Variants in ATP8B4 observed in about 807,000 individuals in gnomAD.
ATP8B4 encodes the protein probable phospholipid-transporting ATPase IM.
Under a neutral mutation model 145.6 loss-of-function variants are expected in ATP8B4, and 133 were observed. The observed-to-expected ratio is 0.91, with a 90% CI of 0.79 to 1.05. ATP8B4 has a LOEUF of 1.05. Ranked by LOEUF, ATP8B4 falls within the 50% of genes least tolerant of loss-of-function variation. The pLI is 0.00. For missense variants in ATP8B4, 1,458 were observed against 1,425.2 expected (o/e 1.02, Z -0.37); for synonymous variants, 507 against 492.9 (o/e 1.03, Z -0.38).
Position 49,884,617 on chromosome 15 carries a change from A to AG in ATP8B4, c.2698-5159_2698-5158insC, listed in dbSNP as rs1388608565. Among the ~76,000 whole-genome samples, 5 of 151,012 alleles carry AG rather than the reference A, an allele frequency of 3.3e-5. No individual in the cohort carries two copies. In the South Asian group the frequency reaches 1.1e-3, roughly 32 times the overall value. The stretch of plus-strand genomic sequence containing the variant: ...AATCCTGTCTCCAAAAAAAAAGAAA[A>AG]AAAAAAAAAAAAAAGAAAGTTTCCT... On this transcript the variant is annotated intron_variant, in intron 23 of 27. Transcript: ENST00000284509.
chr15:49,908,695 C>T (rs1380810669), intron 20 of ATP8B4, among the ~76,000 whole-genome samples: 4 of 152,116 alleles, frequency 2.6e-5, no homozygotes, highest in African/African-American at 9.7e-5. Context: ...CTGCATCCTG[C>T]CTGAGGGCCC....
intron 2 of ATP8B4, among the ~76,000 whole-genome samples, chr15:50,077,144 C>T (rs2054231413): frequency 6.6e-6 from 1 of 152,278 alleles, no homozygotes; most frequent in Non-Finnish European, 1.5e-5. Flanking sequence ...TGAACTCACA[C>T]CTGCACAATT....
intron 1 of ATP8B4, among the ~76,000 whole-genome samples, chr15:50,140,495 A>T (rs543095403): frequency 2.0e-5 from 3 of 152,328 alleles, no homozygotes; most frequent in South Asian, 4.1e-4. Flanking sequence ...ATTACCTCCC[A>T]GAGTAGTTAT....
At chr15:50,081,919 T>G (rs931368135) in intron 2 of ATP8B4, among the ~76,000 whole-genome samples, 2 of 152,190 alleles carry the variant, frequency 1.3e-5, no homozygotes, top group African/African-American at 2.4e-5. Context: ...TCGGGGTCCC[T>G]ATATAGAACT....
chr15:50,087,258 T>G (rs2055244564), intron 2 of ATP8B4, among the ~76,000 whole-genome samples: 1 of 135,140 alleles, frequency 7.4e-6, no homozygotes, highest in Admixed American at 7.7e-5. Context: ...AATATATAGA[T>G]CTATATGTAT....
At position 49,931,118 on chromosome 15, in the gene ATP8B4, C is replaced by T; in HGVS notation, c.1642+1G>A. On this transcript the variant is annotated splice_donor_variant, in intron 16 of 27. Coordinates refer to ENST00000284509, the MANE Select transcript of ATP8B4 (RefSeq NM_024837.4). LOFTEE classifies it high-confidence loss of function. ...AAAATAGTCTTAGCTACCAACCATACCTATGACAGACATCCTTTTTCTGGT... is the reference window on the plus strand; with the variant it reads ...AAAATAGTCTTAGCTACCAACCATATCTATGACAGACATCCTTTTTCTGGT... 4 of 1,608,578 alleles carry T rather than the reference C, an allele frequency of 2.5e-6. No individual in the cohort carries two copies. The highest frequency in any genetic ancestry group is 3.4e-6 in the Non-Finnish European group (4 of 1,176,340).
At chr15:50,156,145 T>C (rs879400167) in intron 1 of ATP8B4, among the ~76,000 whole-genome samples, 9 of 63,328 alleles carry the variant, frequency 1.4e-4, no homozygotes, top group Admixed American at 3.8e-4. Context: ...TATAAATATA[T>C]ATATATATAT....
At chr15:50,173,316 T>C (rs2044714945) in intron 1 of ATP8B4, among the ~76,000 whole-genome samples, 1 of 152,098 alleles carries the variant, frequency 6.6e-6, no homozygotes, top group South Asian at 2.1e-4. Context: ...TAGAAAGAAG[T>C]AGACATAGGA....
At chr15:50,092,012 T>C (rs555580083) in intron 2 of ATP8B4, among the ~76,000 whole-genome samples, 1 of 152,222 alleles carries the variant, frequency 6.6e-6, no homozygotes, top group Admixed American at 6.5e-5. Context: ...GTAAACCTGA[T>C]ATTCTGTACC....
At chr15:50,137,733 G>T (rs115994478) in intron 1 of ATP8B4, among the ~76,000 whole-genome samples, 1 of 152,166 alleles carries the variant, frequency 6.6e-6, no homozygotes, top group African/African-American at 2.4e-5. Flanking sequence ...GTGAAGTGAC[G>T]CACATGATCC....
intron 23 of ATP8B4, among the ~76,000 whole-genome samples, chr15:49,893,872 T>A (rs1278073383): frequency 6.6e-6 from 1 of 152,214 alleles, no homozygotes; most frequent in Non-Finnish European, 1.5e-5. Flanking sequence ...ACTGAGCTAA[T>A]AAAAGTAAAA....
At chr15:50,050,515 A>T (rs2052094007) in intron 3 of ATP8B4, among the ~76,000 whole-genome samples, 1 of 152,090 alleles carries the variant, frequency 6.6e-6, no homozygotes, top group South Asian at 2.1e-4. Flanking sequence ...TTTAATCTTG[A>T]GTATACTATC....
chr15:50,025,995 C>A (rs898042725), intron 6 of ATP8B4, among the ~76,000 whole-genome samples: 1 of 152,314 alleles, frequency 6.6e-6, no homozygotes, highest in Non-Finnish European at 1.5e-5. Flanking sequence ...CTCCTGACAC[C>A]TTTTGCTACA....
intron 1 of ATP8B4, among the ~76,000 whole-genome samples, chr15:50,108,505 T>C (rs2056793090): frequency 6.6e-6 from 1 of 152,136 alleles, no homozygotes. Flanking sequence ...TCTCCTTCCC[T>C]GCTCCCATGC....
rs200423136 is a variant in ATP8B4 at position 49,962,204 on chromosome 15, T to C, written c.1244-184A>G. ...AACCATAAACATGGCAATTATGCAG[T>C]GAGACATTCGTGTTTGCCCAAGATA... is the stretch of plus-strand genomic sequence containing the variant. On this transcript the variant is annotated intron_variant, in intron 13 of 27. Transcript: ENST00000284509. 2.0e-5 allele frequency among the ~76,000 whole-genome samples: 3 copies of C among 152,320 alleles called. No individual in the cohort carries two copies. The East Asian group carries it at 5.8e-4, about 29-fold the overall frequency.
chr15:50,131,156 C>T (rs1037488708), intron 1 of ATP8B4, among the ~76,000 whole-genome samples: 1 of 152,148 alleles, frequency 6.6e-6, no homozygotes, highest in African/African-American at 2.4e-5. Context: ...CAATTACCTC[C>T]ACCTGATCTC....
At chr15:50,055,751 A>G (rs1487152953) in intron 3 of ATP8B4, among the ~76,000 whole-genome samples, 2 of 152,368 alleles carry the variant, frequency 1.3e-5, no homozygotes, top group East Asian at 3.9e-4. Context: ...ATAAAATAAA[A>G]AACAAAAAGG....
intron 2 of ATP8B4, among the ~76,000 whole-genome samples, chr15:50,104,967 G>A (rs1005167206): frequency 1.3e-5 from 2 of 151,942 alleles, no homozygotes; most frequent in African/African-American, 4.8e-5. Context: ...GGATGGAATT[G>A]GAGACCATTA....
intron 20 of ATP8B4, chr15:49,901,748 T>A (rs977633300): frequency 9.7e-5 from 39 of 400,728 alleles, no homozygotes; most frequent in Non-Finnish European, 1.3e-4. Context: ...ACATATTTTT[T>A]AAAAAAAATT....
Sources: allele counts gnomAD v4.1 joint callset (sites outside exome capture counted in the v4.1 genomes callset), GRCh38; gene constraint gnomAD v4.1.1; transcripts MANE v1.5; gene names NCBI Gene and HGNC (gene_info 2026-07-23, HGNC 2026-07-21).